SGCD: variants seen among roughly 807,000 people sequenced by gnomAD.
SGCD encodes the protein sarcoglycan delta, also known as delta-sarcoglycan.
Under a neutral mutation model 36.6 loss-of-function variants are expected in SGCD, and 18 were observed. The ratio of observed to expected loss-of-function variants is 0.49; its 90% CI spans 0.34 to 0.73. SGCD has a LOEUF of 0.73. Among genes scored for constraint, SGCD ranks in the 30% least tolerant of loss-of-function variants. The pLI, the probability that SGCD is intolerant of heterozygous loss-of-function variation, is 0.01. For synonymous variants in SGCD, 133 were observed against 130.6 expected, an observed-to-expected ratio of 1.02 and a Z score of -0.12; for missense variants, 387 against 346.7, an observed-to-expected ratio of 1.12 and a Z score of -0.92.
chr5:156,074,458 C>T (rs745325951), intron 1 of SGCD, among the ~76,000 whole-genome samples: 4 of 151,250 alleles, frequency 2.6e-5, no homozygotes, highest in African/African-American at 7.4e-5. Flanking sequence ...CTGAAGCAAG[C>T]GGATCACAAG....
chr5:155,984,785 T>C (rs1242372878), intron 1 of SGCD, among the ~76,000 whole-genome samples: 5 of 152,208 alleles, frequency 3.3e-5, no homozygotes, highest in Non-Finnish European at 7.4e-5. Flanking sequence ...CCAGAACCTC[T>C]GATATAGACC....
chr5:156,548,240 T>A (rs549275883), intron 4 of SGCD, among the ~76,000 whole-genome samples: 1 of 152,206 alleles, frequency 6.6e-6, no homozygotes, highest in African/African-American at 2.4e-5. Flanking sequence ...GCAAGATGAA[T>A]ATGCTCAGCT....
At chr5:155,767,317 G>A in the SGCD span, among the ~76,000 whole-genome samples, 2 of 152,126 alleles carry the variant, frequency 1.3e-5, no homozygotes, top group Non-Finnish European at 2.9e-5. Flanking sequence ...TTCCCCTTGG[G>A]GATCCATTCT....
At chr5:156,007,858 T>C (rs902824185) in intron 1 of SGCD, among the ~76,000 whole-genome samples, 4 of 152,234 alleles carry the variant, frequency 2.6e-5, no homozygotes, top group African/African-American at 9.6e-5. Flanking sequence ...TCTTTTAATG[T>C]CACATTGAAA....
rs61496774 is a variant in SGCD at position 156,312,013 on chromosome 5, A to C, written c.-43-17521A>C. ...TTCCATGCCATAGCTAGCTAAGGGC[A>C]TGAGTAGGAAAAGAAAACAGATCTT... is the stretch of plus-strand genomic sequence containing the variant. On this transcript the variant is annotated intron_variant, in intron 3 of 9. Coordinates refer to the SGCD transcript ENST00000517913. Among the ~76,000 whole-genome samples the C allele has an allele frequency of 3.9e-3, 589 of 152,334 alleles. 4 individuals carry two copies. Among genetic ancestry groups the C allele is most frequent in the African/African-American group, 0.013 (554 of 41,580 alleles).
chr5:156,700,942 CAA>C (rs66896485), intron 7 of SGCD, among the ~76,000 whole-genome samples: 13 of 128,434 alleles, frequency 1.0e-4, no homozygotes, highest in Non-Finnish European at 1.3e-4. Context: ...GACCTTGTCT[CAA>C]AAAAAAAAAA....
intron 7 of SGCD, among the ~76,000 whole-genome samples, chr5:156,683,397 A>G (rs1452967699): frequency 6.6e-6 from 1 of 152,218 alleles, no homozygotes; most frequent in Admixed American, 6.5e-5. Context: ...TATCAAACAC[A>G]GTGCCGAATG....
At chr5:155,728,515 G>A in the SGCD span, among the ~76,000 whole-genome samples, 1 of 152,178 alleles carries the variant, frequency 6.6e-6, no homozygotes, top group Non-Finnish European at 1.5e-5. Context: ...ACAGCCTGGA[G>A]AAACAGCCCC....
intron 2 of SGCD, among the ~76,000 whole-genome samples, chr5:156,338,442 A>G (rs1768473881): frequency 6.6e-6 from 1 of 152,194 alleles, no homozygotes; most frequent in South Asian, 2.1e-4. Context: ...AATGACCTGT[A>G]AGAAGAGGAG....
intron 4 of SGCD, among the ~76,000 whole-genome samples, chr5:156,560,751 G>C (rs67972044): frequency 0.035 from 5,399 of 152,196 alleles, 157 homozygotes; most frequent in Non-Finnish European, 0.053. Flanking sequence ...AAATGGTTAC[G>C]AACAGTGGCT....
chr5:156,001,725 G>A (rs1240614021), intron 1 of SGCD, among the ~76,000 whole-genome samples: 1 of 152,198 alleles, frequency 6.6e-6, no homozygotes, highest in Admixed American at 6.5e-5. Context: ...TTAAGAAGAA[G>A]AATAGATGAT....
At chr5:156,147,318 C>T (rs1762727692) in intron 3 of SGCD, among the ~76,000 whole-genome samples, 2 of 152,098 alleles carry the variant, frequency 1.3e-5, no homozygotes, top group African/African-American at 4.8e-5. Context: ...GCTTGTTAAG[C>T]AATGTCCAAG....
chr5:156,140,005 G>A (rs1249767593), intron 3 of SGCD, among the ~76,000 whole-genome samples: 4 of 152,156 alleles, frequency 2.6e-5, no homozygotes, highest in African/African-American at 7.2e-5. Flanking sequence ...GGAGGATGCA[G>A]CTTTCCTCTT....
chr5:156,434,964 A>G lies in SGCD; in HGVS notation c.193-73637A>G, dbSNP rs938330675. 3.3e-5 allele frequency among the ~76,000 whole-genome samples: 5 copies of G among 152,234 alleles called. No homozygotes were observed. The South Asian group carries it at 6.2e-4, about 19-fold the overall frequency. ...ATAAAATCATTCCTCAATTTATACTATCTCTTAGAAAAGTCTAGTTACACT... is the reference window on the plus strand; with the variant it reads ...ATAAAATCATTCCTCAATTTATACTGTCTCTTAGAAAAGTCTAGTTACACT... On this transcript the variant is annotated intron_variant, in intron 3 of 8. Coordinates refer to ENST00000337851, the MANE Select transcript of SGCD (RefSeq NM_000337.6).
chr5:156,604,757 A>ATATGTATATATACATATATACACATTTTC (rs1761351511), intron 6 of SGCD, among the ~76,000 whole-genome samples: 1 of 148,626 alleles, frequency 6.7e-6, no homozygotes, highest in Non-Finnish European at 1.5e-5. Flanking sequence ...TACACATTTT[A>ATATGTATATATACATATATACACATTTTC]TATGTATATA....
At chr5:156,543,180 C>A (rs932649654) in intron 4 of SGCD, among the ~76,000 whole-genome samples, 1 of 152,132 alleles carries the variant, frequency 6.6e-6, no homozygotes, top group African/African-American at 2.4e-5. Context: ...TTCTTTATTG[C>A]GGGAGCTGTC....
intron 4 of SGCD, among the ~76,000 whole-genome samples, chr5:156,539,819 T>C (rs1758278577): frequency 6.6e-6 from 1 of 152,126 alleles, no homozygotes; most frequent in Non-Finnish European, 1.5e-5. Context: ...CCTGATAGGT[T>C]TCAAAGTATA....
intron 3 of SGCD, among the ~76,000 whole-genome samples, chr5:156,377,073 GAAAA>G (rs149071017): frequency 0.014 from 2,131 of 151,496 alleles, 22 homozygotes; most frequent in Non-Finnish European, 0.023. Context: ...ACATTACAGA[GAAAA>G]AAAAGTCATG....
intron 6 of SGCD, among the ~76,000 whole-genome samples, chr5:156,601,008 A>T (rs1480708277): frequency 6.6e-6 from 1 of 151,986 alleles, no homozygotes. Context: ...AAATTGGATT[A>T]TTTTGCTTTT....
Sources: allele counts gnomAD v4.1 joint callset (sites outside exome capture counted in the v4.1 genomes callset), GRCh38; gene constraint gnomAD v4.1.1; transcripts MANE v1.5; gene names NCBI Gene and HGNC (gene_info 2026-07-23, HGNC 2026-07-21).